Variants in MIAT observed in about 807,000 individuals in gnomAD.
MIAT encodes myocardial infarction associated transcript, also known as MI related novel mRNA.
chr22:26,654,978 C>A (rs1337370039), intron 2 of MIAT, among the ~76,000 whole-genome samples: 1 of 152,192 alleles, frequency 6.6e-6, no homozygotes, highest in Admixed American at 6.5e-5. Flanking sequence ...TCCCAAAGTG[C>A]TGGGATTACA....
intron 2 of MIAT, among the ~76,000 whole-genome samples, chr22:26,651,309 A>G (rs1248009336): frequency 3.3e-5 from 5 of 152,132 alleles, no homozygotes; most frequent in Non-Finnish European, 7.4e-5. Flanking sequence ...CAGAAAAGAG[A>G]TCCCCTGATC....
Position 26,667,004 on chromosome 22 carries a change from G to A in MIAT, n.2136+67G>A, listed in dbSNP as rs1010080962. ...CATGGAGCTTGGTTTCATGGGGGTA[G>A]GTTGTCCTCCCACCTGTGCCCCCTC... On this transcript the variant is annotated intron_variant and non_coding_transcript_variant, in intron 4 of 5. Coordinates refer to ENST00000643270, the Ensembl canonical transcript of MIAT. The A allele has an allele frequency of 1.5e-5, 6 of 398,338 alleles. 1 individual carries two copies. In the South Asian group the frequency reaches 5.2e-4, roughly 34 times the overall value. The allele number at this position is 398,338 out of a possible 1,614,324, so 24.7% of individuals were successfully genotyped here.
At chr22:26,661,299 G>A (rs56207652) in intron 2 of MIAT, among the ~76,000 whole-genome samples, 10,660 of 152,158 alleles carry the variant, frequency 0.07, 448 homozygotes, top group South Asian at 0.1. Flanking sequence ...CAAGAGCAGA[G>A]GTGAAGTCTG....
chr22:26,666,368 AG>A, exon 4 of MIAT: 1 of 398,720 alleles, frequency 2.5e-6, no homozygotes, highest in Admixed American at 4.4e-5. Context: ...AGGAAAGGGC[AG>A]GGGAGAAGGA....
At chr22:26,668,782 C>G (rs1930945370) in exon 6 of MIAT, 1 of 399,184 alleles carries the variant, frequency 2.5e-6, no homozygotes, top group Admixed American at 4.4e-5. Flanking sequence ...TTTCCTCTCC[C>G]TGATGGTTAC....
chr22:26,665,333 A>C (rs1251670415), intron 3 of MIAT: 2 of 397,644 alleles, frequency 5.0e-6, no homozygotes, highest in Non-Finnish European at 8.8e-6. Context: ...TAGGAGTGAG[A>C]GAGCCACAGT....
chr22:26,653,706 G>A (rs1447707422), intron 2 of MIAT, among the ~76,000 whole-genome samples: 1 of 152,182 alleles, frequency 6.6e-6, no homozygotes, highest in Non-Finnish European at 1.5e-5. Context: ...CCTCACTGGT[G>A]CCCAGGTGTC....
At chr22:26,662,973 G>T (rs1012664930) in intron 2 of MIAT, among the ~76,000 whole-genome samples, 1 of 152,178 alleles carries the variant, frequency 6.6e-6, no homozygotes, top group African/African-American at 2.4e-5. Context: ...CTTCTCATTT[G>T]ATCCTCATGA....
At chr22:26,662,942 T>C (rs1602362941) in intron 2 of MIAT, among the ~76,000 whole-genome samples, 1 of 152,224 alleles carries the variant, frequency 6.6e-6, no homozygotes, top group East Asian at 1.9e-4. Context: ...AATGGTAGAA[T>C]TCAAGCTAAG....
chr22:26,659,073 A>G (rs991963093), intron 2 of MIAT, among the ~76,000 whole-genome samples: 1 of 151,986 alleles, frequency 6.6e-6, no homozygotes, highest in Non-Finnish European at 1.5e-5. Context: ...CAGATGTCTG[A>G]GCCACGTGGC....
At chr22:26,662,858 G>A (rs1930722553) in intron 2 of MIAT, among the ~76,000 whole-genome samples, 1 of 152,132 alleles carries the variant, frequency 6.6e-6, no homozygotes, top group Non-Finnish European at 1.5e-5. Context: ...GCTGTTTAGC[G>A]GGAAAAATGA....
downstream of MIAT, chr22:26,673,771 G>A (rs1931158609): frequency 2.5e-6 from 1 of 398,596 alleles, no homozygotes. Context: ...ATCAGAAGTC[G>A]GTAAAGATGG....
intron 3 of MIAT, chr22:26,663,429 G>A (rs1290076903): frequency 5.0e-6 from 2 of 398,466 alleles, no homozygotes; most frequent in African/African-American, 4.1e-5. Context: ...GTGTCCACTG[G>A]GGATGGTAGA....
At chr22:26,669,407 C>A (rs928535870) in exon 6 of MIAT, 3 of 398,498 alleles carry the variant, frequency 7.5e-6, no homozygotes, top group Non-Finnish European at 8.8e-6. Context: ...GCAGGTGGCA[C>A]CTTCTCACTA....
intron 3 of MIAT, among the ~76,000 whole-genome samples, chr22:26,664,677 C>T (rs4822763): frequency 0.88 from 133,251 of 152,226 alleles, 58,540 homozygotes; most frequent in East Asian, 1. Context: ...GTAGTATGTA[C>T]TAATAGTTTG....
intron 2 of MIAT, chr22:26,658,181 A>C (rs534264313): frequency 9.3e-6 from 1 of 107,466 alleles, no homozygotes; most frequent in African/African-American, 3.7e-5. Flanking sequence ...TTCACTTCCC[A>C]GATGTCCGGC....
intron 2 of MIAT, among the ~76,000 whole-genome samples, chr22:26,661,887 AATCCATATATATATGGATCTATATAG>A (rs1449819079): frequency 3.4e-5 from 4 of 118,170 alleles, no homozygotes; most frequent in East Asian, 2.8e-4. Flanking sequence ...TTTATCATTT[AATCCATATATATATGGATCTATATAG>A]ATCCATATAT....
At chr22:26,646,615 GTTTA>G (rs759718913) in exon 1 of MIAT, 1 of 397,186 alleles carries the variant, frequency 2.5e-6, no homozygotes, top group Non-Finnish European at 4.4e-6. Flanking sequence ...AGTTGTGTCT[GTTTA>G]TCTTCAGTTT....
At chr22:26,650,556 C>T (rs762321700) in intron 2 of MIAT, 1 of 152,248 alleles carries the variant, frequency 6.6e-6, no homozygotes, top group Non-Finnish European at 1.5e-5. Flanking sequence ...GTGATCCAGG[C>T]TTATAATCCC....
Sources: allele counts gnomAD v4.1 joint callset (sites outside exome capture counted in the v4.1 genomes callset), GRCh38; gene constraint gnomAD v4.1.1; transcripts MANE v1.5; gene names NCBI Gene and HGNC (gene_info 2026-07-23, HGNC 2026-07-21).